Variants in MYOCD observed in about 807,000 individuals in gnomAD.
The protein encoded by MYOCD is myocardin.
Under a neutral mutation model 96.1 loss-of-function variants are expected in MYOCD, and 32 were observed. The ratio of observed to expected loss-of-function variants is 0.33; its 90% confidence interval spans 0.25 to 0.45. MYOCD has a LOEUF of 0.45. MYOCD is among the 20% of genes least tolerant of loss of function. The pLI, the probability that MYOCD is intolerant of heterozygous loss-of-function variation, is 1.00. For synonymous variants in MYOCD, 469 were observed against 469.0 expected, an observed-to-expected ratio of 1.00 and a Z score of 0.00; for missense variants, 1,133 against 1,200.6, an observed-to-expected ratio of 0.94 and a Z score of 0.83.
In MYOCD at chr17:12,764,627, T is replaced by G. The variant is rs975507966; in HGVS notation, c.*983T>G. Reference sequence around the variant, plus strand: ...CCCTGGGTTCCTATAGAAGGACTATTACTTATGGGAGTCCAACTTCTCCTT... The same window carrying G: ...CCCTGGGTTCCTATAGAAGGACTATGACTTATGGGAGTCCAACTTCTCCTT... On this transcript the variant is annotated 3_prime_UTR_variant, in exon 14 of 14. Transcript: ENST00000425538. The G allele has an allele frequency of 1.3e-5, 2 of 152,238 alleles. No individual in the cohort carries two copies. Among genetic ancestry groups the G allele is most frequent in the African/African-American group, 4.8e-5 (2 of 41,464 alleles). 9.4% of individuals were successfully genotyped at this position (152,238 alleles called of 1,614,324 possible).
At chr17:12,757,032 C>T (rs2033033476) in intron 11 of MYOCD, among the ~76,000 whole-genome samples, 1 of 152,044 alleles carries the variant, frequency 6.6e-6, no homozygotes, top group Non-Finnish European at 1.5e-5. Flanking sequence ...GAACAGTAAA[C>T]CAGTTTCTGT....
chr17:12,666,254 G>A lies in MYOCD; in HGVS notation c.55+11G>A. 3 of 1,597,886 alleles carry A rather than the reference G, an allele frequency of 1.9e-6. No homozygotes were observed. The highest frequency in any genetic ancestry group is 1.7e-4 in the Middle Eastern group (1 of 6,040). On this transcript the variant is annotated intron_variant, in intron 1 of 13. Coordinates refer to ENST00000425538, the MANE Select transcript of MYOCD (RefSeq NM_001146312.3). The stretch of plus-strand genomic sequence containing the variant: ...GCAAGTTCAGATCAGGTAGGGCTAA[G>A]GCATTTAGCATTCCTTCTTAAACTT...
At chr17:12,758,649 G>A (rs1206613618) in intron 12 of MYOCD, among the ~76,000 whole-genome samples, 1 of 152,220 alleles carries the variant, frequency 6.6e-6, no homozygotes, top group African/African-American at 2.4e-5. Flanking sequence ...AGTGACCCTG[G>A]CAAAACACTG....
At position 12,763,904 on chromosome 17, in the gene MYOCD, GAT is replaced by G. The variant is rs2033261681; in HGVS notation, c.*263_*264del. On this transcript the variant is annotated 3_prime_UTR_variant, in exon 14 of 14. Transcript: ENST00000425538. ...TTCTCAGATTAAGGATGCCAAAAAAGATATTTCACTGCCTTTTCAAAGACCAG... is the reference window on the plus strand; with the variant it reads ...TTCTCAGATTAAGGATGCCAAAAAAGATTTCACTGCCTTTTCAAAGACCAG... 2.9e-6 allele frequency: 1 copy of G among 345,728 alleles called. No individual in the cohort carries two copies. Among genetic ancestry groups the G allele is most frequent in the Admixed American group, 4.5e-5 (1 of 22,184 alleles). The allele number at this position is 345,728 out of a possible 1,614,324, so 21.4% of individuals were successfully genotyped here.
chr17:12,724,811 C>A (rs2031948855), intron 5 of MYOCD, among the ~76,000 whole-genome samples: 1 of 152,116 alleles, frequency 6.6e-6, no homozygotes, highest in African/African-American at 2.4e-5. Context: ...TCTGTCTTCA[C>A]AAGTTTCTTT....
intron 9 of MYOCD, among the ~76,000 whole-genome samples, chr17:12,749,889 G>A (rs1301175972): frequency 4.4e-4 from 67 of 151,822 alleles, no homozygotes; most frequent in Admixed American, 3.9e-3. Flanking sequence ...TCGCTCTGTC[G>A]CCCAGGCTGG....
chr17:12,704,050 G>T (rs1640850221), intron 1 of MYOCD, among the ~76,000 whole-genome samples: 1 of 152,058 alleles, frequency 6.6e-6, no homozygotes. Context: ...TCTGTTCATT[G>T]TCTTTTCCAT....
At chr17:12,740,767 T>C (rs2032481996) in intron 7 of MYOCD, among the ~76,000 whole-genome samples, 1 of 152,022 alleles carries the variant, frequency 6.6e-6, no homozygotes, top group South Asian at 2.1e-4. Context: ...AGATGGAGTT[T>C]CACTCTTGTT....
chr17:12,729,144 A>G (rs1037627106), intron 5 of MYOCD, among the ~76,000 whole-genome samples: 2 of 152,228 alleles, frequency 1.3e-5, no homozygotes, highest in African/African-American at 4.8e-5. Flanking sequence ...AAAAAAGAAC[A>G]TTTTGCTTTG....
chr17:12,704,074 C>G (rs2031192068), intron 1 of MYOCD, among the ~76,000 whole-genome samples: 1 of 152,122 alleles, frequency 6.6e-6, no homozygotes, highest in South Asian at 2.1e-4. Flanking sequence ...GAATTGGTCA[C>G]ATTTTCCTAG....
intron 1 of MYOCD, among the ~76,000 whole-genome samples, chr17:12,691,510 C>A (rs2030445466): frequency 6.6e-6 from 1 of 152,022 alleles, no homozygotes; most frequent in Non-Finnish European, 1.5e-5. Context: ...AAAACGGTAC[C>A]CTACCTGACT....
chr17:12,730,183 C>T (rs544339396), intron 5 of MYOCD, among the ~76,000 whole-genome samples: 2 of 152,010 alleles, frequency 1.3e-5, no homozygotes, highest in Admixed American at 6.6e-5. Flanking sequence ...CGTGGTGGCT[C>T]ATGCCTGCAA....
At chr17:12,689,473 T>A (rs1024412469) in intron 1 of MYOCD, among the ~76,000 whole-genome samples, 3 of 152,218 alleles carry the variant, frequency 2.0e-5, no homozygotes, top group South Asian at 4.1e-4. Context: ...TAAGCATATA[T>A]TATATGACAA....
At chr17:12,688,987 A>G (rs145963164) in intron 1 of MYOCD, among the ~76,000 whole-genome samples, 21 of 152,332 alleles carry the variant, frequency 1.4e-4, no homozygotes, top group Non-Finnish European at 2.9e-4. Context: ...AGATATTCAC[A>G]CCCATGTGCA....
intron 1 of MYOCD, among the ~76,000 whole-genome samples, chr17:12,700,099 C>T (rs12452604): frequency 0.15 from 22,884 of 151,292 alleles, 1,857 homozygotes; most frequent in Middle Eastern, 0.2. Context: ...TTAGTAGAGA[C>T]GGGGTTTTGT....
intron 1 of MYOCD, among the ~76,000 whole-genome samples, chr17:12,679,797 A>C (rs1356242689): frequency 6.6e-6 from 1 of 152,212 alleles, no homozygotes; most frequent in Non-Finnish European, 1.5e-5. Flanking sequence ...CAATGCAAGA[A>C]GGAGGTTTCA....
chr17:12,701,952 T>G (rs2150670432), intron 1 of MYOCD, among the ~76,000 whole-genome samples: 1 of 152,250 alleles, frequency 6.6e-6, no homozygotes, highest in South Asian at 2.1e-4. Flanking sequence ...TTATTAAAAC[T>G]TATTCTATGG....
At chr17:12,756,710 A>G (rs894052646) in intron 11 of MYOCD, among the ~76,000 whole-genome samples, 153 bp downstream of exon 11, 3 of 150,962 alleles carry the variant, frequency 2.0e-5, no homozygotes, top group Non-Finnish European at 3.0e-5. Context: ...AAAAAAAAAA[A>G]AAAAGAATAA....
intron 5 of MYOCD, among the ~76,000 whole-genome samples, chr17:12,731,022 C>T (rs778493920): frequency 6.6e-6 from 1 of 152,224 alleles, no homozygotes; most frequent in African/African-American, 2.4e-5. Context: ...CCCCAAGGGG[C>T]CAGTGCCCAG....
Sources: allele counts gnomAD v4.1 joint callset (sites outside exome capture counted in the v4.1 genomes callset), GRCh38; gene constraint gnomAD v4.1.1; transcripts MANE v1.5; gene names NCBI Gene and HGNC (gene_info 2026-07-23, HGNC 2026-07-21).